The following SOX5 variants were observed in gnomAD, a reference collection of about 807,000 sequenced individuals.
SOX5 encodes SRY-box transcription factor 5, also known as transcription factor SOX-5.
A neutral mutation model predicts 92.0 loss-of-function variants in SOX5; 9 were observed. The ratio of observed to expected loss-of-function variants is 0.10; its 90% CI spans 0.06 to 0.17. The LOEUF (loss-of-function observed/expected upper bound fraction) is 0.17. Among genes scored for constraint, SOX5 ranks in the 10% least tolerant of loss-of-function variants. The pLI is 1.00. For missense variants in SOX5, 642 were observed against 944.5 expected, an observed-to-expected ratio of 0.68 and a Z score of 4.20; for synonymous variants, 344 against 336.3, an observed-to-expected ratio of 1.02 and a Z score of -0.25.
intron 6 of SOX5, among the ~76,000 whole-genome samples, chr12:23,669,657 G>T (rs933480776): frequency 8.0e-5 from 12 of 150,782 alleles, no homozygotes; most frequent in African/African-American, 2.7e-4. Context: ...AAAAAAAAAA[G>T]AAAAGAAATA....
intron 2 of SOX5, among the ~76,000 whole-genome samples, chr12:24,312,675 A>G (rs1949303188): frequency 6.6e-6 from 1 of 152,240 alleles, no homozygotes; most frequent in South Asian, 2.1e-4. Context: ...GGAATTCAGA[A>G]AGACATTTAA....
At chr12:24,118,685 C>A (rs931910446) in intron 4 of SOX5, among the ~76,000 whole-genome samples, 1 of 152,062 alleles carries the variant, frequency 6.6e-6, no homozygotes, top group African/African-American at 2.4e-5. Context: ...CTTGGTCAAA[C>A]TTAAAAAAGC....
chr12:23,943,713 T>C (rs1944070124), intron 1 of SOX5, among the ~76,000 whole-genome samples: 1 of 152,100 alleles, frequency 6.6e-6, no homozygotes. Context: ...AAAGAGAGGT[T>C]TCAAATACAA....
At chr12:23,614,993 G>A (rs1413399984) in intron 8 of SOX5, among the ~76,000 whole-genome samples, 1 of 151,908 alleles carries the variant, frequency 6.6e-6, no homozygotes, top group African/African-American at 2.4e-5. Flanking sequence ...TAGTGCAGAC[G>A]GGGTTTTACC....
chr12:23,930,818 C>T (rs1941235325), intron 1 of SOX5, among the ~76,000 whole-genome samples: 1 of 151,686 alleles, frequency 6.6e-6, no homozygotes, highest in South Asian at 2.1e-4. Context: ...AGGCCACACT[C>T]CTGGCCCATA....
At chr12:24,431,774 C>G (rs1003194478) in intron 1 of SOX5, among the ~76,000 whole-genome samples, 2 of 152,082 alleles carry the variant, frequency 1.3e-5, no homozygotes, top group African/African-American at 4.8e-5. Context: ...AAGTAAAATG[C>G]AAGTATTTTA....
At chr12:23,983,423 G>A (rs969227341) in intron 4 of SOX5, among the ~76,000 whole-genome samples, 3 of 152,136 alleles carry the variant, frequency 2.0e-5, no homozygotes, top group Admixed American at 6.6e-5. Context: ...AATAATCATG[G>A]GGTCGGAAGA....
chr12:23,844,746 T>A (rs1052999815), intron 3 of SOX5, among the ~76,000 whole-genome samples: 2 of 152,164 alleles, frequency 1.3e-5, no homozygotes, highest in African/African-American at 4.8e-5. Flanking sequence ...TTTATTTTCT[T>A]CCTTATAATG....
chr12:24,095,850 G>T (rs1050836628), intron 4 of SOX5, among the ~76,000 whole-genome samples: 10 of 152,108 alleles, frequency 6.6e-5, no homozygotes, highest in African/African-American at 2.4e-4. Context: ...TGTGAAGAAG[G>T]TGTCTTGCTT....
At chr12:24,491,672 A>G (rs1304234028) in intron 1 of SOX5, among the ~76,000 whole-genome samples, 3 of 152,204 alleles carry the variant, frequency 2.0e-5, no homozygotes, top group Non-Finnish European at 2.9e-5. Context: ...AGGAATGAAT[A>G]TATCAAGTCC....
chr12:23,685,101 C>A (rs949048105), intron 6 of SOX5, among the ~76,000 whole-genome samples: 2 of 152,100 alleles, frequency 1.3e-5, no homozygotes, highest in Non-Finnish European at 2.9e-5. Context: ...TGAAGCTACT[C>A]AAAGTTGTCT....
chr12:24,213,109 C>T (rs1175907966), intron 4 of SOX5, among the ~76,000 whole-genome samples: 1 of 151,994 alleles, frequency 6.6e-6, no homozygotes, highest in Non-Finnish European at 1.5e-5. Flanking sequence ...ATCTATGTAA[C>T]TTATGTAAGA....
chr12:23,549,906 C>A (rs1293444020), intron 11 of SOX5, among the ~76,000 whole-genome samples: 1 of 151,978 alleles, frequency 6.6e-6, no homozygotes, highest in Non-Finnish European at 1.5e-5. Flanking sequence ...AATTGTATCT[C>A]ATCGACAGAA....
At chr12:24,218,825 A>C (rs1038987414) in intron 3 of SOX5, among the ~76,000 whole-genome samples, 1 of 152,104 alleles carries the variant, frequency 6.6e-6, no homozygotes, top group African/African-American at 2.4e-5. Context: ...CATGGCTAAA[A>C]ACTAATAATA....
At chr12:23,553,833 T>G (rs1944655605) in intron 11 of SOX5, among the ~76,000 whole-genome samples, 1 of 152,138 alleles carries the variant, frequency 6.6e-6, no homozygotes, top group Admixed American at 6.6e-5. Context: ...GGTAACTCAG[T>G]TACTGAGCTA....
At chr12:24,073,753 A>C (rs901018183) in intron 4 of SOX5, among the ~76,000 whole-genome samples, 6 of 152,224 alleles carry the variant, frequency 3.9e-5, no homozygotes, top group Non-Finnish European at 8.8e-5. Context: ...ACCTAGCACA[A>C]GTGCTCTGAT....
chr12:23,804,904 C>A, intron 3 of SOX5, among the ~76,000 whole-genome samples: 1 of 119,040 alleles, frequency 8.4e-6, no homozygotes, highest in African/African-American at 3.2e-5. Context: ...CTCTATTTAC[C>A]TATCATTGTT....
intron 1 of SOX5, among the ~76,000 whole-genome samples, chr12:24,375,090 A>G (rs1957119208): frequency 6.6e-6 from 1 of 151,952 alleles, no homozygotes; most frequent in Non-Finnish European, 1.5e-5. Context: ...CTCCTGCCTC[A>G]GCCTCCCGAG....
chr12:23,701,789 C>T (rs1412160170), intron 6 of SOX5, among the ~76,000 whole-genome samples: 1 of 152,092 alleles, frequency 6.6e-6, no homozygotes, highest in Non-Finnish European at 1.5e-5. Flanking sequence ...CAAACATTGT[C>T]ACGGATCAAG....
Sources: allele counts gnomAD v4.1 joint callset (sites outside exome capture counted in the v4.1 genomes callset), GRCh38; gene constraint gnomAD v4.1.1; transcripts MANE v1.5; gene names NCBI Gene and HGNC (gene_info 2026-07-23, HGNC 2026-07-21).